NRG3: variants seen among roughly 807,000 people sequenced by gnomAD.
The protein encoded by NRG3 is pro-neuregulin-3, membrane-bound isoform.
A neutral mutation model predicts 66.9 loss-of-function variants in NRG3; 31 were observed. The observed-to-expected ratio is 0.46, with a 90% CI of 0.35 to 0.63. NRG3 has a LOEUF of 0.63. NRG3 is among the 20% of genes least tolerant of loss of function. The probability of loss-of-function intolerance (pLI) is 0.00; values close to 1 mark genes in which losing one functional copy is unlikely to be tolerated. For synonymous variants in NRG3, 393 were observed against 359.4 expected (o/e 1.09, Z -1.06); for missense variants, 910 against 878.9 (o/e 1.04, Z -0.45).
At chr10:82,929,572 C>T (rs1847348428) in intron 4 of NRG3, among the ~76,000 whole-genome samples, 1 of 152,076 alleles carries the variant, frequency 6.6e-6, no homozygotes, top group Non-Finnish European at 1.5e-5. Context: ...TCTACTTGTT[C>T]ACTTGATCAG....
chr10:82,656,231 A>G (rs1353556234), intron 2 of NRG3, among the ~76,000 whole-genome samples: 1 of 152,044 alleles, frequency 6.6e-6, no homozygotes, highest in Non-Finnish European at 1.5e-5. Flanking sequence ...TATATTGAAA[A>G]ATCTTTACAT....
chr10:82,214,496 A>G (rs924870927), intron 1 of NRG3, among the ~76,000 whole-genome samples: 1 of 152,028 alleles, frequency 6.6e-6, no homozygotes, highest in African/African-American at 2.4e-5. Context: ...ACAAGGTCTC[A>G]CTCCATCATT....
chr10:81,962,894 T>C (rs1407021665), intron 1 of NRG3, among the ~76,000 whole-genome samples: 1 of 152,162 alleles, frequency 6.6e-6, no homozygotes, highest in African/African-American at 2.4e-5. Flanking sequence ...GCATAGTGAT[T>C]GGCTTTCACG....
chr10:82,729,946 A>G (rs1025856122), intron 2 of NRG3, among the ~76,000 whole-genome samples: 1 of 152,166 alleles, frequency 6.6e-6, no homozygotes, highest in South Asian at 2.1e-4. Flanking sequence ...TGCATGCAGC[A>G]CAACACCTGG....
intron 6 of NRG3, among the ~76,000 whole-genome samples, chr10:82,967,167 AATAG>A (rs1253669216): frequency 1.3e-5 from 2 of 148,842 alleles, no homozygotes; most frequent in Admixed American, 6.7e-5. Context: ...ATTTTTAAAT[AATAG>A]ATATATTAAA....
intron 1 of NRG3, among the ~76,000 whole-genome samples, chr10:82,298,726 A>C (rs756000270): frequency 6.6e-6 from 1 of 152,110 alleles, no homozygotes; most frequent in Non-Finnish European, 1.5e-5. Context: ...ATCAAAGCCA[A>C]TGAGGAATTC....
At chr10:82,417,575 A>C (rs2136207016) in intron 2 of NRG3, among the ~76,000 whole-genome samples, 1 of 152,308 alleles carries the variant, frequency 6.6e-6, no homozygotes, top group East Asian at 1.9e-4. Flanking sequence ...TGGTGCTTTC[A>C]TTACATTAAC....
At chr10:82,238,919 T>TACATATATATATAC (rs1564698641) in intron 1 of NRG3, among the ~76,000 whole-genome samples, 1 of 142,142 alleles carries the variant, frequency 7.0e-6, no homozygotes, top group African/African-American at 2.7e-5. Flanking sequence ...ACCGTATATA[T>TACATATATATATAC]ATATATATAA....
At chr10:82,703,104 C>A (rs901650245) in intron 2 of NRG3, among the ~76,000 whole-genome samples, 9 of 151,622 alleles carry the variant, frequency 5.9e-5, no homozygotes, top group Non-Finnish European at 1.2e-4. Flanking sequence ...TTCTTACTGG[C>A]AGTCTGAGTG....
intron 3 of NRG3, among the ~76,000 whole-genome samples, chr10:82,812,909 C>T (rs1387611255): frequency 1.3e-5 from 2 of 152,254 alleles, no homozygotes; most frequent in East Asian, 1.9e-4. Flanking sequence ...CTGCAATAGT[C>T]AAAACCAGAA....
At chr10:82,680,161 G>C (rs1353983412) in intron 2 of NRG3, among the ~76,000 whole-genome samples, 1 of 152,108 alleles carries the variant, frequency 6.6e-6, no homozygotes. Context: ...CTATGAAATA[G>C]GTACTATTGT....
chr10:82,334,142 A>AG, intron 1 of NRG3, among the ~76,000 whole-genome samples: 1 of 149,212 alleles, frequency 6.7e-6, no homozygotes, highest in African/African-American at 2.5e-5. Flanking sequence ...GTCTCAAAAA[A>AG]AAAAAAAAAA....
chr10:82,774,926 G>A (rs1314159057), intron 3 of NRG3, among the ~76,000 whole-genome samples: 2 of 146,530 alleles, frequency 1.4e-5, no homozygotes, highest in Admixed American at 7.0e-5. Flanking sequence ...GGTTTCAAGC[G>A]ATTCTTGTGC....
At chr10:82,212,646 A>G (rs2075456123) in intron 1 of NRG3, among the ~76,000 whole-genome samples, 1 of 152,206 alleles carries the variant, frequency 6.6e-6, no homozygotes, top group South Asian at 2.1e-4. Context: ...CAAAGTGGGC[A>G]TGTAGGCATG....
intron 1 of NRG3, among the ~76,000 whole-genome samples, chr10:82,003,296 C>T (rs1377462552): frequency 6.6e-6 from 1 of 152,070 alleles, no homozygotes; most frequent in Admixed American, 6.5e-5. Flanking sequence ...GTCAAACAGG[C>T]AACTGAATAT....
chr10:82,587,762 G>T (rs2133276457), intron 2 of NRG3, among the ~76,000 whole-genome samples: 1 of 152,274 alleles, frequency 6.6e-6, no homozygotes, highest in Middle Eastern at 3.4e-3. Context: ...ATGAATTTGA[G>T]TGACATTTTT....
intron 1 of NRG3, among the ~76,000 whole-genome samples, chr10:82,355,639 G>C (rs1377772890): frequency 1.3e-5 from 2 of 152,110 alleles, no homozygotes; most frequent in Non-Finnish European, 2.9e-5. Flanking sequence ...TAGAGTTAGC[G>C]TAGCAACCTC....
At chr10:82,330,077 A>G in intron 1 of NRG3, among the ~76,000 whole-genome samples, 1 of 152,196 alleles carries the variant, frequency 6.6e-6, no homozygotes, top group East Asian at 1.9e-4. Flanking sequence ...CCATATATGG[A>G]TCTTTTCCAA....
chr10:82,055,324 A>C (rs2133177990), intron 1 of NRG3, among the ~76,000 whole-genome samples: 1 of 151,998 alleles, frequency 6.6e-6, no homozygotes, highest in Admixed American at 6.6e-5. Context: ...AAAATACAAA[A>C]AAAATAGCCA....
Sources: allele counts gnomAD v4.1 joint callset (sites outside exome capture counted in the v4.1 genomes callset), GRCh38; gene constraint gnomAD v4.1.1; transcripts MANE v1.5; gene names NCBI Gene and HGNC (gene_info 2026-07-23, HGNC 2026-07-21).